Variants in MYO6 observed in about 807,000 individuals in gnomAD.
The protein encoded by MYO6 is myosin VI, also known as unconventional myosin-VI.
In MYO6, 74 loss-of-function variants were observed where a neutral mutation model predicts 178.7. The observed-to-expected ratio is 0.41, with a 90% confidence interval of 0.34 to 0.50. MYO6 has a LOEUF of 0.50. Ranked by LOEUF, MYO6 falls within the 20% of genes least tolerant of loss-of-function variation. The pLI is 0.09. For synonymous variants in MYO6, 477 were observed against 504.6 expected, an observed-to-expected ratio of 0.95 and a Z score of 0.73; for missense variants, 1,330 against 1,547.4, an observed-to-expected ratio of 0.86 and a Z score of 2.36.
At chr6:75,894,858 T>C (rs1393898826) in intron 28 of MYO6, 4 of 1,439,504 alleles carry the variant, frequency 2.8e-6, no homozygotes, top group Non-Finnish European at 3.8e-6. Flanking sequence ...TTGTTTTCTA[T>C]GTATGTCATA....
rs1583282887 is a variant in MYO6 at position 75,855,212 on chromosome 6, T to C, written c.1152T>C (p.Asp384=). Residue 384 remains aspartate (D), a synonymous_variant, in exon 12 of 35, where the codon GAT becomes GAC. Coordinates refer to ENST00000369977, the MANE Select transcript of MYO6 (RefSeq NM_004999.4). The part of the protein sequence containing the change: ...YCAELLGLDQ[D]DLRVSLTTRV... ...CTGAATTACTGGGTTTGGACCAAGA[T>C]GATCTTCGAGTAAGTTTGACCACAA... 6.2e-7 allele frequency: 1 copy of C among 1,613,698 alleles called. No individual in the cohort carries two copies. The highest frequency in any genetic ancestry group is 1.1e-5 in the South Asian group (1 of 91,070).
intron 31 of MYO6, among the ~76,000 whole-genome samples, 164 bp downstream of exon 31, chr6:75,907,872 G>A (rs1387053661): frequency 6.6e-6 from 1 of 151,836 alleles, no homozygotes. Flanking sequence ...GTCCATGAAT[G>A]CACAGTAACA....
chr6:75,865,136 T>C (rs1398368141), intron 16 of MYO6: 1 of 151,788 alleles, frequency 6.6e-6, no homozygotes, highest in African/African-American at 2.4e-5. Flanking sequence ...CTTTTTTTTT[T>C]TGTAGAGACA....
chr6:75,865,836 G>A (rs1001939538), intron 16 of MYO6, among the ~76,000 whole-genome samples: 2 of 152,152 alleles, frequency 1.3e-5, no homozygotes, highest in African/African-American at 4.8e-5. Flanking sequence ...AAATATGTTA[G>A]GCTATATTAT....
At chr6:75,912,461 A>G (rs1035462563) in intron 33 of MYO6, among the ~76,000 whole-genome samples, 2 of 152,014 alleles carry the variant, frequency 1.3e-5, no homozygotes, top group Admixed American at 6.6e-5. Context: ...TTTCCAGATA[A>G]GTATTCGTTT....
intron 1 of MYO6, among the ~76,000 whole-genome samples, chr6:75,798,298 TG>T (rs1180061697): frequency 2.0e-5 from 3 of 152,180 alleles, no homozygotes; most frequent in Admixed American, 1.3e-4. Context: ...GTTGTAGGTG[TG>T]GGGCTTTATT....
At chr6:75,860,289 A>G (rs1157072473) in intron 14 of MYO6, among the ~76,000 whole-genome samples, 2 of 152,196 alleles carry the variant, frequency 1.3e-5, no homozygotes, top group Non-Finnish European at 2.9e-5. Flanking sequence ...GAATTCTGGC[A>G]TAAACAAACA....
chr6:75,912,890 C>T (rs1363159585), intron 33 of MYO6, among the ~76,000 whole-genome samples: 1 of 152,106 alleles, frequency 6.6e-6, no homozygotes, highest in African/African-American at 2.4e-5. Context: ...GGATATATAG[C>T]TTTGCTAACT....
chr6:75,851,671 A>G (rs1775279491), intron 11 of MYO6, among the ~76,000 whole-genome samples: 1 of 151,564 alleles, frequency 6.6e-6, no homozygotes, highest in East Asian at 1.9e-4. Flanking sequence ...CACACACACA[A>G]ACGCACACAC....
At chr6:75,802,124 C>G (rs1264074519) in intron 1 of MYO6, among the ~76,000 whole-genome samples, 1 of 152,050 alleles carries the variant, frequency 6.6e-6, no homozygotes, top group Non-Finnish European at 1.5e-5. Context: ...AAATGCAATA[C>G]TAAGCGGAAG....
chr6:75,879,696 A>T (rs13207967), intron 20 of MYO6, 124 bp from the exon 21 acceptor site: 2 of 1,291,618 alleles, frequency 1.5e-6, no homozygotes. Context: ...TATAATATTT[A>T]GTTGCTGATA....
chr6:75,844,941 T>C lies in MYO6; in HGVS notation c.861T>C (p.Thr287=). Residue 287 remains threonine, a synonymous_variant, in exon 10 of 35, where the codon ACT becomes ACC. Transcript: ENST00000369977. ...CTAGATACTTTGCTAACAAAGAAAC[T>C]GACAAACAGATTTTACAGAACCGCA... ...GCTRYFANKE[T]DKQILQNRKS... 1 of 1,613,510 alleles carries C rather than the reference T, an allele frequency of 6.2e-7. No homozygotes were observed. Among genetic ancestry groups the C allele is most frequent in the Non-Finnish European group, 8.5e-7 (1 of 1,179,642 alleles).
intron 30 of MYO6, among the ~76,000 whole-genome samples, chr6:75,905,607 C>T (rs954061297): frequency 2.0e-5 from 3 of 152,214 alleles, no homozygotes; most frequent in East Asian, 3.9e-4. Flanking sequence ...CACTGACCTG[C>T]GCCCACTGTC....
chr6:75,861,099 T>C lies in MYO6; in HGVS notation c.1546+4T>C. ...GTGGATAATCAGGACTGTATAGGTATGTGTTTTTTAACTCCACCTTTGAAA... is the reference window on the plus strand; with the variant it reads ...GTGGATAATCAGGACTGTATAGGTACGTGTTTTTTAACTCCACCTTTGAAA... On this transcript the variant is annotated splice_donor_region_variant and intron_variant, in intron 15 of 34. Coordinates refer to ENST00000369977, the MANE Select transcript of MYO6 (RefSeq NM_004999.4). 6.4e-7 allele frequency: 1 copy of C among 1,572,990 alleles called. No individual in the cohort carries two copies. The highest frequency in any genetic ancestry group is 1.3e-5 in the African/African-American group (1 of 74,830).
chr6:75,879,512 C>T (rs1387508099), intron 20 of MYO6, among the ~76,000 whole-genome samples: 4 of 151,454 alleles, frequency 2.6e-5, no homozygotes, highest in African/African-American at 9.7e-5. Context: ...CTGGCGTGGC[C>T]TCCCAAAGTA....
intron 1 of MYO6, among the ~76,000 whole-genome samples, chr6:75,760,527 G>T (rs1276298625): frequency 6.6e-6 from 1 of 152,126 alleles, no homozygotes; most frequent in Non-Finnish European, 1.5e-5. Context: ...GCCGTATTGT[G>T]CAGGGTTGAG....
intron 29 of MYO6, among the ~76,000 whole-genome samples, chr6:75,896,462 G>T (rs1779310856): frequency 6.6e-6 from 1 of 152,222 alleles, no homozygotes; most frequent in Non-Finnish European, 1.5e-5. Flanking sequence ...CCATGAAATT[G>T]TGAACAATCC....
At chr6:75,767,206 T>C (rs1778499543) in intron 1 of MYO6, among the ~76,000 whole-genome samples, 1 of 152,124 alleles carries the variant, frequency 6.6e-6, no homozygotes, top group South Asian at 2.1e-4. Flanking sequence ...TTTGTATTTT[T>C]AGTAGAGACG....
At chr6:75,865,569 T>G (rs995404456) in intron 16 of MYO6, among the ~76,000 whole-genome samples, 1 of 151,820 alleles carries the variant, frequency 6.6e-6, no homozygotes, top group African/African-American at 2.4e-5. Context: ...TTTGCCATGT[T>G]GCTCAGGCTG....
Sources: gnomAD v4.1 joint callset for allele counts (sites outside exome capture counted in the v4.1 genomes callset) on GRCh38, gnomAD v4.1.1 for gene constraint, MANE v1.5 for transcripts, NCBI Gene and HGNC (gene_info 2026-07-23, HGNC 2026-07-21) for gene names.